SYNJ1: variants seen among roughly 807,000 people sequenced by gnomAD.
SYNJ1 encodes the protein polyphosphatidylinositol phosphatase SYNJ1.
Under a neutral mutation model 168.2 loss-of-function variants are expected in SYNJ1, and 78 were observed. The ratio of observed to expected loss-of-function variants is 0.46; its 90% CI spans 0.39 to 0.56. The LOEUF is 0.56. Among genes scored for constraint, SYNJ1 ranks in the 20% least tolerant of loss-of-function variants. The pLI, the probability that SYNJ1 is intolerant of heterozygous loss-of-function variation, is 0.00. For missense variants in SYNJ1, 1,303 were observed against 1,597.6 expected, an observed-to-expected ratio of 0.82 and a Z score of 3.14; for synonymous variants, 539 against 548.6, an observed-to-expected ratio of 0.98 and a Z score of 0.24.
chr21:32,645,805 G>T lies in SYNJ1; in HGVS notation c.3248-16C>A. ...ATAGGAGAACCTAAAAAGCGCACAG[G>T]AGGTAAGAAGATCAGCTTCTAAGTA... On this transcript the variant is annotated splice_polypyrimidine_tract_variant and intron_variant, in intron 24 of 32. Transcript: ENST00000674351. 1 of 1,498,064 alleles carries T rather than the reference G, an allele frequency of 6.7e-7. No homozygotes were observed. The highest frequency in any genetic ancestry group is 1.4e-5 in the African/African-American group (1 of 71,442). 92.8% of individuals were successfully genotyped at this position (1,498,064 alleles called of 1,614,324 possible). A position where few individuals can be genotyped will look rare whatever the true frequency, so the allele number is the denominator to read the frequency against.
intron 26 of SYNJ1, among the ~76,000 whole-genome samples, chr21:32,644,183 A>G (rs2039966801): frequency 6.6e-6 from 1 of 152,272 alleles, no homozygotes; most frequent in Non-Finnish European, 1.5e-5. Flanking sequence ...GGAGCTTGAA[A>G]AGGGAAAAAT....
chr21:32,685,681 T>C lies in SYNJ1; in HGVS notation c.1118+67A>G, dbSNP rs2041813773. 6 of 1,202,090 alleles carry C rather than the reference T, an allele frequency of 5.0e-6. No individual in the cohort carries two copies. In the Admixed American group the frequency reaches 1.5e-4, roughly 30 times the overall value. 74.5% of individuals were successfully genotyped at this position (1,202,090 alleles called of 1,614,324 possible). A position where few individuals can be genotyped will look rare whatever the true frequency, so the allele number is the denominator to read the frequency against. ...TAATTTTAAAAAGAAAATTTAAGAG[T>C]TCAACGTTAAGAATAATTTTTAATT... On this transcript the variant is annotated intron_variant, in intron 9 of 32. Coordinates refer to ENST00000674351, the MANE Select transcript of SYNJ1 (RefSeq NM_203446.3).
In SYNJ1 at chr21:32,687,216, A is replaced by C. The variant is rs375444595; in HGVS notation, c.852-142T>G. 2.0e-5 allele frequency: 10 copies of C among 502,024 alleles called. No individual in the cohort carries two copies. In the South Asian group the frequency reaches 3.1e-4, roughly 16 times the overall value. The allele number at this position is 502,024 out of a possible 1,614,324, so 31.1% of individuals were successfully genotyped here. A position where few individuals can be genotyped will look rare whatever the true frequency, so the allele number is the denominator to read the frequency against. Reference sequence around the variant, plus strand: ...AAAACTGGGTGCGAATTCATTGTACATGGTCTCAAAGCCGAATTTACGAAA... The same window carrying C: ...AAAACTGGGTGCGAATTCATTGTACCTGGTCTCAAAGCCGAATTTACGAAA... On this transcript the variant is annotated intron_variant, in intron 7 of 32. Transcript: ENST00000674351.
chr21:32,696,510 C>G (rs1195483183), intron 4 of SYNJ1, among the ~76,000 whole-genome samples: 3 of 152,150 alleles, frequency 2.0e-5, no homozygotes, highest in African/African-American at 7.2e-5. Context: ...TATAAAGAAG[C>G]TACTAACAAT....
At chr21:32,634,548 G>A (rs1040331412) in intron 32 of SYNJ1, among the ~76,000 whole-genome samples, 3 of 152,142 alleles carry the variant, frequency 2.0e-5, no homozygotes, top group Non-Finnish European at 2.9e-5. Flanking sequence ...ACCAAGAACC[G>A]ATCTGGTTTT....
chr21:32,678,546 AC>A lies in SYNJ1; in HGVS notation c.1510+98del, dbSNP rs1179015718. On this transcript the variant is annotated intron_variant, in intron 12 of 32. Coordinates refer to ENST00000674351, the MANE Select transcript of SYNJ1 (RefSeq NM_203446.3). The stretch of plus-strand genomic sequence containing the variant: ...TACCTTTACAGAAATCCCTTCAAAA[AC>A]TATTTTAACCAACTAAAAATTCTGT... 5 of 1,307,062 alleles carry A rather than the reference AC, an allele frequency of 3.8e-6. No homozygotes were observed. The Admixed American group carries it at 1.5e-4, about 39-fold the overall frequency. 81.0% of individuals were successfully genotyped at this position (1,307,062 alleles called of 1,614,324 possible).
intron 23 of SYNJ1, among the ~76,000 whole-genome samples, chr21:32,647,775 G>C (rs1194585989): frequency 6.6e-6 from 1 of 152,134 alleles, no homozygotes; most frequent in African/African-American, 2.4e-5. Context: ...ATTGCTGACT[G>C]CCTCTGCTAA....
At chr21:32,704,655 T>A (rs1243196160) in intron 2 of SYNJ1, among the ~76,000 whole-genome samples, 1 of 151,910 alleles carries the variant, frequency 6.6e-6, no homozygotes. Flanking sequence ...AGTTAGAGCT[T>A]GAGAGGGATG....
chr21:32,727,921 C>G (rs2146446428), intron 1 of SYNJ1, 25 bp downstream of exon 1: 1 of 1,531,870 alleles, frequency 6.5e-7, no homozygotes, highest in South Asian at 1.2e-5. Context: ...CGCAGCAGCT[C>G]CCCGCCCCCC....
intron 10 of SYNJ1, among the ~76,000 whole-genome samples, chr21:32,682,316 T>A (rs1401299354): frequency 2.0e-5 from 3 of 152,204 alleles, no homozygotes; most frequent in African/African-American, 7.2e-5. Flanking sequence ...AGCCTATAAA[T>A]CTGACAGAGT....
At chr21:32,714,575 G>A (rs186828026) in intron 2 of SYNJ1, among the ~76,000 whole-genome samples, 15 of 152,258 alleles carry the variant, frequency 9.9e-5, no homozygotes, top group African/African-American at 3.1e-4. Flanking sequence ...GTGAGGGGAA[G>A]AGGTGTTGAG....
At chr21:32,644,356 T>C (rs1433661095) in intron 26 of SYNJ1, among the ~76,000 whole-genome samples, 1 of 152,226 alleles carries the variant, frequency 6.6e-6, no homozygotes, top group Admixed American at 6.5e-5. Flanking sequence ...GCCATGTCAC[T>C]AGGCAAGCTA....
At chr21:32,712,614 T>C (rs750477996) in intron 2 of SYNJ1, among the ~76,000 whole-genome samples, 1 of 151,968 alleles carries the variant, frequency 6.6e-6, no homozygotes, top group African/African-American at 2.4e-5. Flanking sequence ...ACCAGGCCCC[T>C]GGCAAGGTTC....
At chr21:32,642,877 T>G (rs1447313443) in intron 27 of SYNJ1, among the ~76,000 whole-genome samples, 1 of 152,186 alleles carries the variant, frequency 6.6e-6, no homozygotes, top group African/African-American at 2.4e-5. Context: ...TTATAAGAAA[T>G]ACATCAGCCT....
In SYNJ1 at chr21:32,727,925, GC is replaced by G. The variant is rs1313277670; in HGVS notation, c.-23+20del. The G allele has an allele frequency of 2.0e-6, 3 of 1,531,762 alleles. No homozygotes were observed. The highest frequency in any genetic ancestry group is 1.7e-6 in the Non-Finnish European group (2 of 1,145,528). The allele number at this position is 1,531,762 out of a possible 1,614,324, so 94.9% of individuals were successfully genotyped here. The stretch of plus-strand genomic sequence containing the variant: ...GTGGGTCTGGCCGCAGCAGCTCCCC[GC>G]CCCCCGCCGGCTTGCTCACCTCTTC... On this transcript the variant is annotated intron_variant, in intron 1 of 32. Transcript: ENST00000674351.
intron 2 of SYNJ1, among the ~76,000 whole-genome samples, chr21:32,721,258 C>A (rs1270793600): frequency 6.6e-6 from 1 of 152,042 alleles, no homozygotes; most frequent in Non-Finnish European, 1.5e-5. Context: ...CTGAGTAATG[C>A]TAAAAATGGG....
intron 8 of SYNJ1, among the ~76,000 whole-genome samples, chr21:32,686,191 TAAGACAAAGCCTATCA>T (rs2041831920): frequency 6.6e-6 from 1 of 152,218 alleles, no homozygotes; most frequent in Non-Finnish European, 1.5e-5. Flanking sequence ...CAAAGTCATC[TAAGACAAAGCCTATCA>T]AAGACTGAAA....
At chr21:32,639,564 A>C in intron 30 of SYNJ1, 107 bp downstream of exon 30, 1 of 873,616 alleles carries the variant, frequency 1.1e-6, no homozygotes. Flanking sequence ...GCTAATTTTA[A>C]GAGTTTTTAA....
intron 25 of SYNJ1, 73 bp from the exon 26 acceptor site, chr21:32,645,079 C>T (rs2145769938): frequency 1.4e-6 from 2 of 1,445,246 alleles, no homozygotes; most frequent in East Asian, 2.4e-5. Flanking sequence ...TCAAAGATTG[C>T]TATAGTATCC....
Sources: gnomAD v4.1 joint callset for allele counts (sites outside exome capture counted in the v4.1 genomes callset) on GRCh38, gnomAD v4.1.1 for gene constraint, MANE v1.5 for transcripts, NCBI Gene and HGNC (gene_info 2026-07-23, HGNC 2026-07-21) for gene names.